GABRA4: variants seen among roughly 807,000 people sequenced by gnomAD.
GABRA4 encodes gamma-aminobutyric acid receptor subunit alpha-4.
In GABRA4, 12 loss-of-function variants were observed where a neutral mutation model predicts 49.7. The ratio of observed to expected loss-of-function variants is 0.24; its 90% confidence interval spans 0.15 to 0.39. GABRA4 has a LOEUF of 0.39. Among genes scored for constraint, GABRA4 ranks in the 10% least tolerant of loss-of-function variants. The pLI, the probability that GABRA4 is intolerant of heterozygous loss-of-function variation, is 1.00. For missense variants in GABRA4, 506 were observed against 686.0 expected, an observed-to-expected ratio of 0.74 and a Z score of 2.93; for synonymous variants, 288 against 240.2, an observed-to-expected ratio of 1.20 and a Z score of -1.84.
chr4:46,968,374 GA>G (rs112787221), intron 7 of GABRA4, among the ~76,000 whole-genome samples: 43 of 144,576 alleles, frequency 3.0e-4, no homozygotes, highest in Admixed American at 1.3e-3. Flanking sequence ...AATTTCTAAT[GA>G]AAAAAAAAAC....
intron 7 of GABRA4, among the ~76,000 whole-genome samples, chr4:46,970,022 T>C (rs568337215): frequency 2.6e-5 from 4 of 151,456 alleles, no homozygotes; most frequent in African/African-American, 9.7e-5. Flanking sequence ...TTTTAATGCA[T>C]CCTCATACTC....
intron 8 of GABRA4, among the ~76,000 whole-genome samples, chr4:46,952,616 A>C (rs186493057): frequency 6.6e-6 from 1 of 152,256 alleles, no homozygotes; most frequent in Admixed American, 6.5e-5. Context: ...TTGTGGGAAA[A>C]TTAGCTCCTC....
At chr4:46,966,494 A>G (rs1228684452) in intron 7 of GABRA4, among the ~76,000 whole-genome samples, 1 of 151,722 alleles carries the variant, frequency 6.6e-6, no homozygotes, top group Non-Finnish European at 1.5e-5. Context: ...TCTGCCTACT[A>G]CTGTTCCTTA....
At chr4:46,984,171 T>A in intron 2 of GABRA4, among the ~76,000 whole-genome samples, 1 of 152,038 alleles carries the variant, frequency 6.6e-6, no homozygotes, top group Admixed American at 6.6e-5. Flanking sequence ...GTTTTGCTGA[T>A]CTTGAAACTA....
chr4:46,945,265 C>T (rs1384220404), intron 8 of GABRA4, among the ~76,000 whole-genome samples: 1 of 152,084 alleles, frequency 6.6e-6, no homozygotes, highest in East Asian at 1.9e-4. Flanking sequence ...CATACATCTG[C>T]CTGTTGAAAA....
chr4:46,978,708 A>AG (rs1723238559), intron 3 of GABRA4, among the ~76,000 whole-genome samples: 1 of 149,422 alleles, frequency 6.7e-6, no homozygotes, highest in Admixed American at 6.7e-5. Context: ...AAAAAAAAAA[A>AG]AAAAAGAAAA....
chr4:46,929,260 A>G (rs1721346027), intron 8 of GABRA4, among the ~76,000 whole-genome samples: 1 of 152,028 alleles, frequency 6.6e-6, no homozygotes, highest in Admixed American at 6.6e-5. Context: ...TATTTAAAAA[A>G]GTCCAAAAAC....
At chr4:46,966,927 G>T (rs1722782848) in intron 7 of GABRA4, among the ~76,000 whole-genome samples, 1 of 151,616 alleles carries the variant, frequency 6.6e-6, no homozygotes, top group South Asian at 2.1e-4. Context: ...ATGCTATATT[G>T]TGAATTTATT....
At chr4:46,936,073 A>G (rs1721592412) in intron 8 of GABRA4, among the ~76,000 whole-genome samples, 1 of 152,156 alleles carries the variant, frequency 6.6e-6, no homozygotes, top group African/African-American at 2.4e-5. Flanking sequence ...TTCTTGAGTG[A>G]TTCTTTTGCA....
chr4:46,948,290 T>G (rs1250895119), intron 8 of GABRA4, among the ~76,000 whole-genome samples: 2 of 152,042 alleles, frequency 1.3e-5, no homozygotes, highest in Non-Finnish European at 2.9e-5. Context: ...TGTTTATCCT[T>G]TGGAAACCTA....
intron 8 of GABRA4, among the ~76,000 whole-genome samples, chr4:46,954,382 C>A (rs1235575571): frequency 6.9e-6 from 1 of 144,096 alleles, no homozygotes; most frequent in Non-Finnish European, 1.5e-5. Context: ...ATGGTGAAAC[C>A]CTGTCTCTAC....
intron 8 of GABRA4, among the ~76,000 whole-genome samples, chr4:46,953,568 A>G (rs1722243959): frequency 1.3e-5 from 2 of 152,184 alleles, no homozygotes; most frequent in African/African-American, 4.8e-5. Flanking sequence ...AAAACTGTGG[A>G]TTAGTTAGTC....
intron 2 of GABRA4, among the ~76,000 whole-genome samples, chr4:46,992,412 T>TAGGC: frequency 6.6e-6 from 1 of 152,312 alleles, no homozygotes; most frequent in African/African-American, 2.4e-5. Flanking sequence ...GGTTTTGGCA[T>TAGGC]AGGCATGGAC....
intron 2 of GABRA4, among the ~76,000 whole-genome samples, chr4:46,979,349 C>T (rs959659399): frequency 3.9e-5 from 6 of 152,042 alleles, no homozygotes; most frequent in Non-Finnish European, 8.8e-5. Flanking sequence ...TTCAAAGATA[C>T]GTCACCCCTG....
At position 46,922,170 on chromosome 4, in the gene GABRA4, G is replaced by A. The variant is rs1289964636; in HGVS notation, c.*6055C>T. 6.6e-6 allele frequency: 1 copy of A among 152,020 alleles called. No homozygotes were observed. Among genetic ancestry groups the A allele is most frequent in the Non-Finnish European group, 1.5e-5 (1 of 68,012 alleles). 9.4% of individuals were successfully genotyped at this position (152,020 alleles called of 1,614,324 possible). A position where few individuals can be genotyped will look rare whatever the true frequency, so the allele number is the denominator to read the frequency against. On this transcript the variant is annotated 3_prime_UTR_variant, in exon 9 of 9. Coordinates refer to ENST00000264318, the MANE Select transcript of GABRA4 (RefSeq NM_000809.4). ...CTAAGGCTAATGTGGGGAAGGGGGT[G>A]GGACTACAAGCAATAATCACTAGCA...
At position 46,974,321 on chromosome 4, in the gene GABRA4, G is replaced by A. The variant is rs1186188918; in HGVS notation, c.632C>T (p.Ser211Leu). 1 of 1,611,722 alleles carries A rather than the reference G, an allele frequency of 6.2e-7. No individual in the cohort carries two copies. Residue 211 changes from serine (S) to leucine (L), a missense_variant, in exon 6 of 9, where the codon TCA (serine) becomes TTA (leucine). Physicochemically the swap from Ser to Leu is moderately radical, Grantham distance 145. Coordinates refer to ENST00000264318, the MANE Select transcript of GABRA4 (RefSeq NM_000809.4). ...GGAAGACTCCTTCGGAACTTCAACT[G>A]ATTTCTCAGGACCTTTTGTCCAGGT... ...IYTWTKGPEK[S>L]VEVPKESSSL...
In GABRA4 at chr4:46,974,217, C is replaced by A. The variant is rs781706822; in HGVS notation, c.721+15G>T. 17 of 1,603,868 alleles carry A rather than the reference C, an allele frequency of 1.1e-5. No individual in the cohort carries two copies. In the South Asian group the frequency reaches 1.9e-4, roughly 18 times the overall value. ...CACCAAGTAGCATGTCGGCTTTAAT[C>A]ATTACACATCTCACCCGTAATTGAT... On this transcript the variant is annotated intron_variant, in intron 6 of 8. Coordinates refer to ENST00000264318, the MANE Select transcript of GABRA4 (RefSeq NM_000809.4).
At chr4:46,942,554 G>C (rs1428968173) in intron 8 of GABRA4, among the ~76,000 whole-genome samples, 1 of 151,728 alleles carries the variant, frequency 6.6e-6, no homozygotes, top group African/African-American at 2.4e-5. Context: ...GAACGCGGAA[G>C]GTGGAGTTTG....
intron 6 of GABRA4, among the ~76,000 whole-genome samples, chr4:46,972,891 C>T (rs1163333274): frequency 6.6e-6 from 1 of 151,682 alleles, no homozygotes; most frequent in Non-Finnish European, 1.5e-5. Context: ...AACTTTGTTA[C>T]CTCACATCTT....
Sources: gnomAD v4.1 joint callset for allele counts (sites outside exome capture counted in the v4.1 genomes callset) on GRCh38, gnomAD v4.1.1 for gene constraint, MANE v1.5 for transcripts, NCBI Gene and HGNC (gene_info 2026-07-23, HGNC 2026-07-21) for gene names.